Variants in ACTN4 observed in about 807,000 individuals in gnomAD.
The protein encoded by ACTN4 is actinin alpha 4.
Under a neutral mutation model 114.2 loss-of-function variants are expected in ACTN4, and 18 were observed. The observed-to-expected ratio is 0.16, with a 90% CI of 0.11 to 0.23. ACTN4 has a LOEUF of 0.23. ACTN4 is among the 10% of genes least tolerant of loss of function. The pLI, the probability that ACTN4 is intolerant of heterozygous loss-of-function variation, is 1.00. For missense variants in ACTN4, 722 were observed against 1,262.9 expected (o/e 0.57, Z 6.49); for synonymous variants, 515 against 506.3 (o/e 1.02, Z -0.23).
intron 1 of ACTN4, among the ~76,000 whole-genome samples, chr19:38,689,523 A>G (rs550731999): frequency 3.3e-5 from 5 of 152,182 alleles, no homozygotes; most frequent in African/African-American, 7.2e-5. Context: ...GTTTTGAGAT[A>G]AGGTCTCACT....
chr19:38,673,754 T>C (rs1237565436), intron 1 of ACTN4, among the ~76,000 whole-genome samples: 1 of 52,530 alleles, frequency 1.9e-5, no homozygotes, highest in African/African-American at 4.5e-5. Context: ...TTTATATATA[T>C]TTTTATATAT....
At chr19:38,670,647 G>A (rs1253854477) in intron 1 of ACTN4, among the ~76,000 whole-genome samples, 2 of 152,128 alleles carry the variant, frequency 1.3e-5, no homozygotes, top group African/African-American at 4.8e-5. Flanking sequence ...AAACCTGGCC[G>A]GGTACAGTGG....
chr19:38,728,501 ACTC>A (rs1039809709), intron 19 of ACTN4: 1 of 661,166 alleles, frequency 1.5e-6, no homozygotes, highest in Admixed American at 2.8e-5. Context: ...CCTCGGGGAC[ACTC>A]CTCCGCCCGA....
At chr19:38,708,074 C>G in intron 5 of ACTN4, 43 bp from the exon 6 acceptor site, 1 of 1,587,772 alleles carries the variant, frequency 6.3e-7, no homozygotes, top group South Asian at 1.1e-5. Context: ...ACTCTCATGA[C>G]AGTGAGCGGG....
intron 1 of ACTN4, among the ~76,000 whole-genome samples, chr19:38,697,596 G>T (rs62119101): frequency 0.056 from 8,542 of 152,308 alleles, 254 homozygotes; most frequent in South Asian, 0.096. Context: ...ACCCAGGTCT[G>T]TGCCCCTGCA....
chr19:38,722,728 C>G (rs1366365382), intron 12 of ACTN4, among the ~76,000 whole-genome samples: 2 of 152,222 alleles, frequency 1.3e-5, no homozygotes, highest in African/African-American at 4.8e-5. Flanking sequence ...GGGACACAGG[C>G]AGCTTCCCCA....
rs938261922 is a variant in ACTN4 at position 38,724,133 on chromosome 19, C to G, written c.1693-24C>G. On this transcript the variant is annotated intron_variant, in intron 14 of 20. Transcript: ENST00000252699. This position sits in a 1 kb window ranked among gnomAD's most constrained non-coding sequence, Gnocchi z 7.0. The stretch of plus-strand genomic sequence containing the variant: ...AGAGCCTCTGTGGGGCTGGGCCGCC[C>G]CCTCACTCCAGCTCCTCCCCTAGGG... 1.2e-6 allele frequency: 2 copies of G among 1,613,742 alleles called. No individual in the cohort carries two copies. The highest frequency in any genetic ancestry group is 1.7e-6 in the Non-Finnish European group (2 of 1,180,004).
intron 1 of ACTN4, among the ~76,000 whole-genome samples, chr19:38,662,609 A>G (rs1317259754): frequency 6.6e-6 from 1 of 152,174 alleles, no homozygotes; most frequent in Non-Finnish European, 1.5e-5. Context: ...CAAAAACAAA[A>G]CTTCCACTTT....
chr19:38,673,443 A>ATATATATT (rs1967197982), intron 1 of ACTN4, among the ~76,000 whole-genome samples: 1 of 104,778 alleles, frequency 9.5e-6, no homozygotes, highest in Non-Finnish European at 1.9e-5. Context: ...TTTATTTTTT[A>ATATATATT]TATATATATA....
At chr19:38,721,474 C>T in intron 11 of ACTN4, 64 bp from the exon 12 acceptor site, 2 of 1,593,044 alleles carry the variant, frequency 1.3e-6, no homozygotes, top group Non-Finnish European at 8.6e-7. Context: ...GCTTGGACAG[C>T]CCCTCCAGAC....
intron 19 of ACTN4, among the ~76,000 whole-genome samples, chr19:38,728,786 C>T (rs1244016386): frequency 6.6e-6 from 1 of 152,196 alleles, no homozygotes; most frequent in Non-Finnish European, 1.5e-5. Flanking sequence ...CGGCCTGGGG[C>T]ACTGGGGGCT....
At position 38,731,458 on chromosome 19, in the gene ACTN4, T is replaced by G; in HGVS notation, c.*2026T>G. On this transcript the variant is annotated 3_prime_UTR_variant, in exon 21 of 21. Coordinates refer to ENST00000252699, the MANE Select transcript of ACTN4 (RefSeq NM_004924.6). ...CATAGGGTGTGTGAAGACAGAACGC[T>G]CAGGACAGCGTCTGACACGTGACTC... 1.7e-6 allele frequency: 1 copy of G among 573,160 alleles called. No homozygotes were observed. The highest frequency in any genetic ancestry group is 3.1e-6 in the Non-Finnish European group (1 of 317,768). The allele number at this position is 573,160 out of a possible 1,614,324, so 35.5% of individuals were successfully genotyped here.
chr19:38,730,913 G>C lies in ACTN4; in HGVS notation c.*1481G>C. 1.9e-6 allele frequency: 3 copies of C among 1,550,622 alleles called. No homozygotes were observed. Among genetic ancestry groups the C allele is most frequent in the Non-Finnish European group, 2.6e-6 (3 of 1,147,064 alleles). ...AGAAGGAAGACAGTGGCTTGAGGCA[G>C]GGAGCTCGCAGGACAGAGCCTGAGC... is the stretch of plus-strand genomic sequence containing the variant. On this transcript the variant is annotated 3_prime_UTR_variant, in exon 21 of 21. Coordinates refer to ENST00000252699, the MANE Select transcript of ACTN4 (RefSeq NM_004924.6).
At chr19:38,704,683 G>C (rs1165347983) in intron 3 of ACTN4, among the ~76,000 whole-genome samples, 1 of 152,208 alleles carries the variant, frequency 6.6e-6, no homozygotes, top group Non-Finnish European at 1.5e-5. Context: ...CTGGCTGCGG[G>C]GCCAGGGACC....
chr19:38,717,296 T>G lies in ACTN4; in HGVS notation c.1123T>G (p.Ser375Ala). 6.2e-7 allele frequency: 1 copy of G among 1,612,474 alleles called. No individual in the cohort carries two copies. Among genetic ancestry groups the G allele is most frequent in the Non-Finnish European group, 8.5e-7 (1 of 1,179,682 alleles). The change falls in exon 10 of 21, where the codon TCC becomes GCC. Residue 375 changes from serine to alanine, a missense_variant. By Grantham distance (99) the Ser-to-Ala change is moderately conservative (BLOSUM62 1). Around this residue, in one of 3 missense-constraint regions of ACTN4, gnomAD observed 523 missense variants for 875.9 expected, o/e 0.60. Coordinates refer to ENST00000252699, the MANE Select transcript of ACTN4 (RefSeq NM_004924.6). This position sits in a 1 kb window ranked among gnomAD's most constrained non-coding sequence, Gnocchi z 4.0. The part of the protein sequence containing the change: ...RLSNRPAFMP[S>A]EGKMVSDINN... ...CAGCAACCGGCCCGCCTTCATGCCC[T>G]CCGAGGGCAAGATGGTCTCGGTGAG... is the stretch of plus-strand genomic sequence containing the variant.
In ACTN4 at chr19:38,654,561, C is replaced by CAAA. The variant is rs35967763; in HGVS notation, c.162+6668_162+6670dup. 8.0e-3 allele frequency among the ~76,000 whole-genome samples: 766 copies of CAAA among 96,312 alleles called. 3 individuals carry two copies. The highest frequency in any genetic ancestry group is 0.012 in the Non-Finnish European group (579 of 46,960). 63.2% of individuals were successfully genotyped at this position (96,312 alleles called of 152,430 possible). ...TGGACGACAGAGTAAGGCTCCGTCT[C>CAAA]AAAAAAAAAAAAAAAAGAAAAAGAA... On this transcript the variant is annotated intron_variant, in intron 1 of 20. Transcript: ENST00000252699.
At chr19:38,654,508 G>A (rs1470908367) in intron 1 of ACTN4, among the ~76,000 whole-genome samples, 1 of 150,252 alleles carries the variant, frequency 6.7e-6, no homozygotes, top group Non-Finnish European at 1.5e-5. Flanking sequence ...GTTGCAGTCA[G>A]CTGAGATCAC....
At position 38,647,717 on chromosome 19, in the gene ACTN4, A is replaced by T. The variant is rs770913966; in HGVS notation, c.-29A>T. 2 of 1,528,594 alleles carry T rather than the reference A, an allele frequency of 1.3e-6. No homozygotes were observed. The highest frequency in any genetic ancestry group is 2.7e-5 in the East Asian group (1 of 37,496). The allele number at this position is 1,528,594 out of a possible 1,614,324, so 94.7% of individuals were successfully genotyped here. A position where few individuals can be genotyped will look rare whatever the true frequency, so the allele number is the denominator to read the frequency against. ...GGCGGGAGCTGAGGCGGGAGCGGAC[A>T]GGCTGGTGGGCGAGCGAGAGGCGGC... On this transcript the variant is annotated 5_prime_UTR_variant, in exon 1 of 21. Coordinates refer to ENST00000252699, the MANE Select transcript of ACTN4 (RefSeq NM_004924.6).
chr19:38,707,890 C>T (rs1324652909), intron 5 of ACTN4, among the ~76,000 whole-genome samples: 1 of 152,214 alleles, frequency 6.6e-6, no homozygotes, highest in Non-Finnish European at 1.5e-5. Flanking sequence ...GCCTGGCTTA[C>T]CCGAGGTCAC....
Sources: allele counts gnomAD v4.1 joint callset (sites outside exome capture counted in the v4.1 genomes callset), GRCh38; gene constraint gnomAD v4.1.1; regional missense constraint gnomAD v4.1.1; non-coding constraint Gnocchi (gnomAD v3.1); transcripts MANE v1.5; gene names NCBI Gene and HGNC (gene_info 2026-07-23, HGNC 2026-07-21).